ZNF483: variants seen among roughly 807,000 people sequenced by gnomAD.
ZNF483 encodes the protein zinc finger protein 483.
ZNF483 carries 9 observed loss-of-function variants against 28.6 expected under a neutral mutation model. The ratio of observed to expected loss-of-function variants is 0.32; its 90% CI spans 0.19 to 0.55. The LOEUF is 0.55. ZNF483 is among the 20% of genes least tolerant of loss of function. The pLI is 0.93. For missense variants in ZNF483, 675 were observed against 871.7 expected (o/e 0.77, Z 2.84); for synonymous variants, 322 against 306.2 (o/e 1.05, Z -0.54).
chr9:111,558,071 C>T (rs1047172983), downstream of ZNF483, among the ~76,000 whole-genome samples: 1 of 152,010 alleles, frequency 6.6e-6, no homozygotes, highest in African/African-American at 2.4e-5. Context: ...TGCTTGAACC[C>T]GGGAGGCGGA....
Position 111,543,705 on chromosome 9 carries a change from A to G in ZNF483, c.*535A>G. 2 of 971,628 alleles carry G rather than the reference A, an allele frequency of 2.1e-6. No individual in the cohort carries two copies. Among genetic ancestry groups the G allele is most frequent in the East Asian group, 2.3e-4 (2 of 8,754 alleles). The allele number at this position is 971,628 out of a possible 1,614,324, so 60.2% of individuals were successfully genotyped here. ...AAGTTATTTTTTTTTATTTGTCATT[A>G]CTTTCAAGTTTCTCTAGTAAAAAAT... On this transcript the variant is annotated 3_prime_UTR_variant, in exon 6 of 6. Coordinates refer to ENST00000309235, the MANE Select transcript of ZNF483 (RefSeq NM_133464.5).
intron 5 of ZNF483, among the ~76,000 whole-genome samples, chr9:111,560,636 CAAAAAAA>C (rs1015199330): frequency 1.5e-4 from 4 of 26,294 alleles, no homozygotes; most frequent in African/African-American, 5.1e-4. Context: ...GACACCATCT[CAAAAAAA>C]AAAAAAAAAA....
At chr9:111,577,941 C>A (rs1358784207), downstream of ZNF483, 1 of 152,072 alleles carries the variant, frequency 6.6e-6, no homozygotes, top group Admixed American at 6.6e-5. Flanking sequence ...TCATAAGAGA[C>A]CACTTTTAGT....
At chr9:111,530,460 C>T (rs1827295213) in intron 2 of ZNF483, among the ~76,000 whole-genome samples, 1 of 151,862 alleles carries the variant, frequency 6.6e-6, no homozygotes, top group Admixed American at 6.6e-5. Flanking sequence ...CATGGGAACC[C>T]CAATTTGTAT....
intron 5 of ZNF483, among the ~76,000 whole-genome samples, chr9:111,571,014 G>GTAGCTGGGACTATAGGTGCATGCCA (rs1176703185): frequency 1.3e-5 from 2 of 150,954 alleles, no homozygotes; most frequent in Admixed American, 6.7e-5. Context: ...AATACAGGCA[G>GTAGCTGGGACTATAGGTGCATGCCA]CTGCTAGAAG....
chr9:111,559,561 T>G (rs974881044), downstream of ZNF483, among the ~76,000 whole-genome samples: 1 of 151,670 alleles, frequency 6.6e-6, no homozygotes, highest in African/African-American at 2.4e-5. Flanking sequence ...GCCCAACCCC[T>G]CCTTCTTCCT....
At chr9:111,559,772 T>C (rs1216394135), downstream of ZNF483, among the ~76,000 whole-genome samples, 1 of 152,196 alleles carries the variant, frequency 6.6e-6, no homozygotes, top group Non-Finnish European at 1.5e-5. Context: ...GACAGTCACC[T>C]TGCTTGGCTC....
chr9:111,557,859 G>A (rs1828169151), downstream of ZNF483, among the ~76,000 whole-genome samples: 1 of 152,168 alleles, frequency 6.6e-6, no homozygotes. Flanking sequence ...TTAAAACTAT[G>A]GAAGTAGGGC....
In ZNF483 at chr9:111,542,696, C is replaced by T; in HGVS notation, c.1761C>T (p.Ala587=). The T allele has an allele frequency of 6.2e-7, 1 of 1,614,076 alleles. No homozygotes were observed. Among genetic ancestry groups the T allele is most frequent in the Non-Finnish European group, 8.5e-7 (1 of 1,179,998 alleles). Residue 587 remains alanine (A), a synonymous_variant, in exon 6 of 6, where the codon GCC becomes GCT. Transcript: ENST00000309235. This position sits in a 1 kb window ranked among gnomAD's most constrained non-coding sequence, Gnocchi z 6.2. ...KPYKCGECGK[A]FRQNSCLTRH... ...ATAAATGTGGCGAATGTGGAAAAGCCTTTAGGCAGAATTCATGCCTTACCC... is the reference window on the plus strand; with the variant it reads ...ATAAATGTGGCGAATGTGGAAAAGCTTTTAGGCAGAATTCATGCCTTACCC...
In ZNF483 at chr9:111,553,189, TTTGAA is replaced by T. The variant is rs1203855591; in HGVS notation, c.*10021_*10025del. 1.3e-5 allele frequency among the ~76,000 whole-genome samples: 2 copies of T among 152,194 alleles called. No individual in the cohort carries two copies. Among genetic ancestry groups the T allele is most frequent in the African/African-American group, 4.8e-5 (2 of 41,464 alleles). ...TTATCTACTATGTATCTTTAACACT[TTTGAA>T]TAGAACAAACAGCTTTTCCATTTTG... On this transcript the variant is annotated 3_prime_UTR_variant, in exon 6 of 6. Transcript: ENST00000309235.
At chr9:111,573,234 G>A (rs1828906470) in intron 5 of ZNF483, among the ~76,000 whole-genome samples, 1 of 152,190 alleles carries the variant, frequency 6.6e-6, no homozygotes, top group African/African-American at 2.4e-5. Context: ...TTGGCAGGCA[G>A]ACAATTTCCC....
Position 111,544,337 on chromosome 9 carries a change from GGTGTGTGTGCAT to G in ZNF483, c.*1177_*1188del. The G allele has an allele frequency of 7.2e-6, 7 of 972,012 alleles. No homozygotes were observed. Among genetic ancestry groups the G allele is most frequent in the Non-Finnish European group, 7.3e-6 (6 of 827,444 alleles). The allele number at this position is 972,012 out of a possible 1,614,324, so 60.2% of individuals were successfully genotyped here. On this transcript the variant is annotated 3_prime_UTR_variant, in exon 6 of 6. Transcript: ENST00000309235. ...AAAAGCTGTTATAACAATTTGCTTG[GGTGTGTGTGCAT>G]GTGTGTGTGTGTGTGTGTGTGTGTA...
Position 111,544,347 on chromosome 9 carries a change from C to CTTGTGT in ZNF483, c.*1177_*1178insTTGTGT. ...ATAACAATTTGCTTGGGTGTGTGTG[C>CTTGTGT]ATGTGTGTGTGTGTGTGTGTGTGTG... On this transcript the variant is annotated 3_prime_UTR_variant, in exon 6 of 6. Coordinates refer to ENST00000309235, the MANE Select transcript of ZNF483 (RefSeq NM_133464.5). 1.2e-6 allele frequency: 1 copy of CTTGTGT among 850,974 alleles called. No individual in the cohort carries two copies. Among genetic ancestry groups the CTTGTGT allele is most frequent in the Non-Finnish European group, 1.4e-6 (1 of 728,074 alleles). The allele number at this position is 850,974 out of a possible 1,614,324, so 52.7% of individuals were successfully genotyped here.
rs545572777 is a variant in ZNF483, at chr9:111,544,706, A to C, written c.*1536A>C. Among the ~76,000 whole-genome samples, 36 of 152,154 alleles carry C rather than the reference A, an allele frequency of 2.4e-4. No individual in the cohort carries two copies. Among genetic ancestry groups the C allele is most frequent in the Non-Finnish European group, 3.7e-4 (25 of 68,012 alleles). On this transcript the variant is annotated 3_prime_UTR_variant, in exon 6 of 6. Coordinates refer to ENST00000309235, the MANE Select transcript of ZNF483 (RefSeq NM_133464.5). ...ATTGATACAGAAAAAATTTTCAGTT[A>C]AGTTTTCTTTTGTGAAATTAGACCT...
chr9:111,530,117 C>T lies in ZNF483; in HGVS notation c.413-758C>T, dbSNP rs1383746854. Among the ~76,000 whole-genome samples, 3 of 152,130 alleles carry T rather than the reference C, an allele frequency of 2.0e-5. No individual in the cohort carries two copies. In the East Asian group the frequency reaches 5.8e-4, roughly 29 times the overall value. ...TGCTTAGAGGGTTGGAACTCAGCTC[C>T]ACCCCCCAACCTGTCAAAGGGGAGA... On this transcript the variant is annotated intron_variant, in intron 2 of 5. Transcript: ENST00000309235.
intron 5 of ZNF483, among the ~76,000 whole-genome samples, chr9:111,569,511 C>T (rs1828715252): frequency 6.6e-6 from 1 of 152,176 alleles, no homozygotes; most frequent in Admixed American, 6.5e-5. Context: ...GGTGCGGTGG[C>T]TCACAACTGT....
In ZNF483 at chr9:111,553,383, A is replaced by T. The variant is rs1206561867; in HGVS notation, c.*10213A>T. Reference sequence around the variant, plus strand: ...AATTTAAATATTTTTTCATTTTTTTAACCTAGAAAATAATTATAATGAAAA... The same window carrying T: ...AATTTAAATATTTTTTCATTTTTTTTACCTAGAAAATAATTATAATGAAAA... On this transcript the variant is annotated 3_prime_UTR_variant, in exon 6 of 6. Transcript: ENST00000309235. 6.6e-6 allele frequency among the ~76,000 whole-genome samples: 1 copy of T among 152,144 alleles called. No homozygotes were observed. The highest frequency in any genetic ancestry group is 1.5e-5 in the Non-Finnish European group (1 of 68,028).
chr9:111,532,065 T>C (rs1268706869), intron 3 of ZNF483, among the ~76,000 whole-genome samples: 2 of 152,140 alleles, frequency 1.3e-5, no homozygotes, highest in Non-Finnish European at 2.9e-5. Flanking sequence ...TCCCATCACT[T>C]TGGGAGGCCG....
intron 5 of ZNF483, among the ~76,000 whole-genome samples, chr9:111,565,101 G>C (rs1189725985): frequency 6.6e-6 from 1 of 152,038 alleles, no homozygotes; most frequent in Non-Finnish European, 1.5e-5. Flanking sequence ...CCCAGCCTGG[G>C]CAACAAGAGC....
Sources: gnomAD v4.1 joint callset for allele counts (sites outside exome capture counted in the v4.1 genomes callset) on GRCh38, gnomAD v4.1.1 for gene constraint, Gnocchi (gnomAD v3.1) non-coding constraint, MANE v1.5 for transcripts, NCBI Gene and HGNC (gene_info 2026-07-23, HGNC 2026-07-21) for gene names.